The following TXLNB variants were observed in gnomAD, a reference collection of about 807,000 sequenced individuals.
TXLNB encodes taxilin beta, also known as beta-taxilin.
TXLNB carries 37 observed loss-of-function variants against 57.4 expected under a neutral mutation model. The ratio of observed to expected loss-of-function variants is 0.64; its 90% CI spans 0.50 to 0.85. The LOEUF (loss-of-function observed/expected upper bound fraction) is 0.85. Ranked by LOEUF, TXLNB falls within the 40% of genes least tolerant of loss-of-function variation. The probability of loss-of-function intolerance (pLI) is 0.00; values close to 1 mark genes in which losing one functional copy is unlikely to be tolerated. For missense variants in TXLNB, 848 were observed against 825.6 expected (o/e 1.03, Z -0.33); for synonymous variants, 302 against 309.6 (o/e 0.98, Z 0.26).
At chr6:139,243,412 C>A in intron 9 of TXLNB, 98 bp from the exon 10 acceptor site, 1 of 1,331,450 alleles carries the variant, frequency 7.5e-7, no homozygotes, top group South Asian at 1.5e-5. Flanking sequence ...AACTATTTGT[C>A]CCAGAATTTG....
At chr6:139,215,033 G>A in the TXLNB span, among the ~76,000 whole-genome samples, 4 of 152,022 alleles carry the variant, frequency 2.6e-5, no homozygotes, top group African/African-American at 2.4e-5. Flanking sequence ...AATCAATATC[G>A]TGAAAATGGC....
intron 1 of TXLNB, 44 bp from the exon 2 acceptor site, chr6:139,288,957 C>G: frequency 7.1e-7 from 1 of 1,409,168 alleles, no homozygotes; most frequent in South Asian, 1.2e-5. Flanking sequence ...AACCTACTTG[C>G]TACATATCAA....
Position 139,264,167 on chromosome 6 carries a change from G to C in TXLNB, c.688-1394C>G, listed in dbSNP as rs368160062. On this transcript the variant is annotated intron_variant, in intron 4 of 9. Transcript: ENST00000358430. The stretch of plus-strand genomic sequence containing the variant: ...TAAACTGAAGAAATAAACTATCCGA[G>C]ATGTTATTTCCCTGAACTTTGTATA... 5.3e-4 allele frequency among the ~76,000 whole-genome samples: 80 copies of C among 152,282 alleles called. 2 individuals are homozygous for C. In the South Asian group the frequency reaches 0.016, roughly 31 times the overall value.
the TXLNB span, among the ~76,000 whole-genome samples, chr6:139,209,698 C>A: frequency 6.6e-6 from 1 of 152,182 alleles, no homozygotes; most frequent in African/African-American, 2.4e-5. Context: ...TCATCTCTCA[C>A]CTTATACAAA....
chr6:139,195,658 C>A, the TXLNB span, among the ~76,000 whole-genome samples: 3 of 152,110 alleles, frequency 2.0e-5, no homozygotes, highest in South Asian at 6.2e-4. Flanking sequence ...AAAGTTAAAC[C>A]ACAAAACTGA....
chr6:139,302,315 G>C, the TXLNB span, among the ~76,000 whole-genome samples: 2 of 116,512 alleles, frequency 1.7e-5, no homozygotes, highest in Middle Eastern at 8.4e-3. Flanking sequence ...GTCTGAGAGA[G>C]AGGAGAAAAA....
Position 139,247,887 on chromosome 6 carries a change from A to G in TXLNB, c.1100T>C (p.Phe367Ser). ...QAQLTLYSGR[F>S]EEFQSTLTKS... ...AGTTAGTGTGCTCTGGAATTCTTCA[A>G]ACCTTCCTGAGTAGAGAGTGAGCTG... Residue 367 changes from phenylalanine (F) to serine (S), a missense_variant, in exon 8 of 10, where the codon TTT becomes TCT. By Grantham distance (155) the Phe-to-Ser change is radical. Transcript: ENST00000358430. 6.2e-7 allele frequency: 1 copy of G among 1,607,252 alleles called. No individual in the cohort carries two copies. Among genetic ancestry groups the G allele is most frequent in the Non-Finnish European group, 8.5e-7 (1 of 1,176,588 alleles).
chr6:139,267,919 G>A (rs1231139781), intron 4 of TXLNB, among the ~76,000 whole-genome samples: 6 of 152,064 alleles, frequency 3.9e-5, no homozygotes, highest in East Asian at 1.9e-4. Flanking sequence ...TTGGGAGGCC[G>A]AGGCGGGTAG....
At chr6:139,190,497 G>T in the TXLNB span, among the ~76,000 whole-genome samples, 2 of 151,988 alleles carry the variant, frequency 1.3e-5, no homozygotes, top group African/African-American at 2.4e-5. Flanking sequence ...TTTTAGTAGA[G>T]ACGGGGTTTC....
the TXLNB span, among the ~76,000 whole-genome samples, chr6:139,308,089 A>G: frequency 6.6e-6 from 1 of 151,976 alleles, no homozygotes; most frequent in East Asian, 1.9e-4. Flanking sequence ...CACGGCCACA[A>G]TGGCTCTTTT....
the TXLNB span, among the ~76,000 whole-genome samples, chr6:139,186,166 T>G: frequency 6.6e-6 from 1 of 152,122 alleles, no homozygotes; most frequent in Non-Finnish European, 1.5e-5. Flanking sequence ...CCAATCTGGA[T>G]CCATATTTAC....
chr6:139,242,549 T>A lies in TXLNB; in HGVS notation c.2032A>T (p.Thr678Ser). 2 of 1,507,732 alleles carry A rather than the reference T, an allele frequency of 1.3e-6. No individual in the cohort carries two copies. The highest frequency in any genetic ancestry group is 1.8e-6 in the Non-Finnish European group (2 of 1,130,416). The allele number at this position is 1,507,732 out of a possible 1,614,324, so 93.4% of individuals were successfully genotyped here. A position where few individuals can be genotyped will look rare whatever the true frequency, so the allele number is the denominator to read the frequency against. Residue 678 changes from threonine (T) to serine (S), a missense_variant, in exon 10 of 10, where the codon ACC (threonine) becomes TCC (serine). Physicochemically the swap from Thr to Ser is moderately conservative, Grantham distance 58. Coordinates refer to ENST00000358430, the MANE Select transcript of TXLNB (RefSeq NM_153235.4). ...GCTTAGTCGACGCCTTCCAGATTGGTGTCAGCCACGTTGCGCGGCTGGGGC... is the reference window on the plus strand; with the variant it reads ...GCTTAGTCGACGCCTTCCAGATTGGAGTCAGCCACGTTGCGCGGCTGGGGC... ...AGPQPRNVADTNLEGVD is the reference protein window; with the variant it reads ...AGPQPRNVADSNLEGVD
chr6:139,321,670 T>C, the TXLNB span, among the ~76,000 whole-genome samples: 1 of 148,022 alleles, frequency 6.8e-6, no homozygotes, highest in African/African-American at 2.5e-5. Flanking sequence ...TGGAGTCTGT[T>C]GCCCAGGCTG....
chr6:139,162,507 G>A, the TXLNB span, among the ~76,000 whole-genome samples: 1 of 152,232 alleles, frequency 6.6e-6, no homozygotes, highest in South Asian at 2.1e-4. Flanking sequence ...AACTCAGGCA[G>A]TCTGGTTGCA....
At chr6:139,207,267 A>G in the TXLNB span, among the ~76,000 whole-genome samples, 16 of 152,218 alleles carry the variant, frequency 1.1e-4, no homozygotes, top group Non-Finnish European at 2.1e-4. Context: ...AGAAAGTCAA[A>G]ATCATATCAA....
At chr6:139,314,725 C>T in the TXLNB span, among the ~76,000 whole-genome samples, 4 of 152,294 alleles carry the variant, frequency 2.6e-5, no homozygotes, top group African/African-American at 7.2e-5. Flanking sequence ...GTTCTGAAAC[C>T]GCCTTTGCAA....
chr6:139,192,584 G>C, the TXLNB span, among the ~76,000 whole-genome samples: 4 of 152,248 alleles, frequency 2.6e-5, no homozygotes, highest in South Asian at 8.3e-4. Context: ...AATAGTCACT[G>C]AATGTATGAA....
At chr6:139,258,822 A>G (rs1776409246) in intron 6 of TXLNB, among the ~76,000 whole-genome samples, 1 of 152,136 alleles carries the variant, frequency 6.6e-6, no homozygotes, top group South Asian at 2.1e-4. Context: ...TTGGGAACAG[A>G]CGCACATAAG....
chr6:139,312,821 G>A, the TXLNB span, among the ~76,000 whole-genome samples: 1 of 152,188 alleles, frequency 6.6e-6, no homozygotes, highest in African/African-American at 2.4e-5. Flanking sequence ...ACTGAGGAGA[G>A]GATGACTGTA....
Sources: allele counts gnomAD v4.1 joint callset (sites outside exome capture counted in the v4.1 genomes callset), GRCh38; gene constraint gnomAD v4.1.1; transcripts MANE v1.5; gene names NCBI Gene and HGNC (gene_info 2026-07-23, HGNC 2026-07-21).